The following SAXO1 variants were observed in gnomAD, a reference collection of about 807,000 sequenced individuals.
SAXO1 encodes stabilizer of axonemal microtubules 1.
Under a neutral mutation model 17.5 loss-of-function variants are expected in SAXO1, and 21 were observed. The observed-to-expected ratio is 1.20, with a 90% CI of 0.85 to 1.72. The LOEUF (loss-of-function observed/expected upper bound fraction) is 1.72. SAXO1 is among the 40% of genes most tolerant of loss of function. The pLI is 0.00. For missense variants in SAXO1, 843 were observed against 596.0 expected (o/e 1.41, Z -4.32); for synonymous variants, 274 against 216.5 (o/e 1.27, Z -2.33).
chr9:19,047,086 C>A (rs891144639), intron 1 of SAXO1, among the ~76,000 whole-genome samples: 1 of 152,192 alleles, frequency 6.6e-6, no homozygotes, highest in African/African-American at 2.4e-5. Flanking sequence ...ACTCGGGAGG[C>A]TGAGCCGGGA....
At chr9:19,000,151 G>A (rs1486257502) in intron 1 of SAXO1, among the ~76,000 whole-genome samples, 1 of 151,748 alleles carries the variant, frequency 6.6e-6, no homozygotes, top group Non-Finnish European at 1.5e-5. Context: ...TGGGAAGTGA[G>A]GAGCACCTCT....
chr9:18,951,713 G>A (rs75633083), intron 1 of SAXO1, among the ~76,000 whole-genome samples: 2,567 of 152,250 alleles, frequency 0.017, 78 homozygotes, highest in African/African-American at 0.059. Flanking sequence ...TGGCATGTCT[G>A]TTGGCAAGTT....
chr9:19,012,669 C>T (rs562346049), intron 1 of SAXO1, among the ~76,000 whole-genome samples: 1 of 152,162 alleles, frequency 6.6e-6, no homozygotes, highest in African/African-American at 2.4e-5. Context: ...GGCAGCAGTC[C>T]CCTTGCTTAG....
intron 1 of SAXO1, among the ~76,000 whole-genome samples, chr9:18,976,208 A>G (rs1833145281): frequency 6.6e-6 from 1 of 152,218 alleles, no homozygotes; most frequent in Non-Finnish European, 1.5e-5. Context: ...GCAGCTGAGT[A>G]CTGAGTAGAG....
Position 18,950,801 on chromosome 9 carries a change from A to G in SAXO1, c.175T>C (p.Tyr59His). 1 of 1,613,406 alleles carries G rather than the reference A, an allele frequency of 6.2e-7. No individual in the cohort carries two copies. Among genetic ancestry groups the G allele is most frequent in the Non-Finnish European group, 8.5e-7 (1 of 1,179,664 alleles). ...PRESFKPRRE[Y>H]QKGPIPMEGL... ...TCCATTGGTATAGGCCCTTTCTGGT[A>G]CTCCCGCCTTGGCTTGAAGGACTCT... is the stretch of plus-strand genomic sequence containing the variant. The change falls in exon 2 of 4, where the codon TAC (tyrosine) becomes CAC (histidine). Residue 59 changes from tyrosine (Y) to histidine (H), a missense_variant. Physicochemically the swap from Tyr to His is moderately conservative, Grantham distance 83. Transcript: ENST00000380534.
At chr9:18,952,933 C>T (rs981884362) in intron 1 of SAXO1, among the ~76,000 whole-genome samples, 3 of 152,194 alleles carry the variant, frequency 2.0e-5, no homozygotes, top group African/African-American at 7.2e-5. Flanking sequence ...GTATCTTCTG[C>T]ACATTCAAGA....
At chr9:18,999,563 CCTGGCCG>C (rs1834161747) in intron 1 of SAXO1, among the ~76,000 whole-genome samples, 1 of 148,178 alleles carries the variant, frequency 6.7e-6, no homozygotes, top group African/African-American at 2.5e-5. Context: ...AGCGCCGCTG[CCTGGCCG>C]CCACACCATC....
chr9:19,029,496 A>T (rs1237103285), intron 1 of SAXO1, among the ~76,000 whole-genome samples: 2 of 152,218 alleles, frequency 1.3e-5, no homozygotes, highest in Non-Finnish European at 2.9e-5. Context: ...GAAAAGCCAA[A>T]TATAGACTTC....
At chr9:19,029,149 C>A (rs1835646876) in intron 1 of SAXO1, among the ~76,000 whole-genome samples, 1 of 152,188 alleles carries the variant, frequency 6.6e-6, no homozygotes, top group South Asian at 2.1e-4. Context: ...TTTATCCAGG[C>A]CTCTGAGCAT....
chr9:18,970,586 T>C (rs569791600), intron 1 of SAXO1, among the ~76,000 whole-genome samples: 1 of 151,794 alleles, frequency 6.6e-6, no homozygotes, highest in Non-Finnish European at 1.5e-5. Context: ...TACCCAAATC[T>C]ATCTACACGC....
intron 1 of SAXO1, chr9:19,028,224 A>C: frequency 1.1e-6 from 1 of 951,554 alleles, no homozygotes; most frequent in Non-Finnish European, 1.6e-6. Flanking sequence ...AAAAATACAA[A>C]AATTAGCCGG....
intron 1 of SAXO1, among the ~76,000 whole-genome samples, chr9:19,043,143 G>A (rs1836117766): frequency 6.6e-6 from 1 of 152,042 alleles, no homozygotes; most frequent in Admixed American, 6.5e-5. Flanking sequence ...CTACACTCCA[G>A]CCTGAGCAAC....
rs371437042 is a variant in SAXO1 at position 18,928,013 on chromosome 9, A to C, written c.*39T>G. 6.7e-7 allele frequency: 1 copy of C among 1,485,672 alleles called. No individual in the cohort carries two copies. Among genetic ancestry groups the C allele is most frequent in the African/African-American group, 1.4e-5 (1 of 71,402 alleles). 92.0% of individuals were successfully genotyped at this position (1,485,672 alleles called of 1,614,324 possible). A position where few individuals can be genotyped will look rare whatever the true frequency, so the allele number is the denominator to read the frequency against. ...AAATAATTCTCAGTTGTCTGCTTTT[A>C]AAAGTACTGTGTAATTTCTAAATTA... On this transcript the variant is annotated 3_prime_UTR_variant, in exon 4 of 4. Transcript: ENST00000380534.
At chr9:19,026,578 G>A (rs537576999) in intron 1 of SAXO1, among the ~76,000 whole-genome samples, 1 of 152,268 alleles carries the variant, frequency 6.6e-6, no homozygotes, top group African/African-American at 2.4e-5. Context: ...TCAATAGACT[G>A]AAAACATCGC....
In SAXO1 at chr9:18,928,298, C is replaced by G; in HGVS notation, c.1179G>C (p.Trp393Cys). 1 of 1,613,028 alleles carries G rather than the reference C, an allele frequency of 6.2e-7. No individual in the cohort carries two copies. The highest frequency in any genetic ancestry group is 8.5e-7 in the Non-Finnish European group (1 of 1,179,362). The change falls in exon 4 of 4, where the codon TGG becomes TGC. Residue 393 changes from tryptophan (W) to cysteine (C), a missense_variant. Coordinates refer to ENST00000380534, the MANE Select transcript of SAXO1 (RefSeq NM_153707.4). The stretch of plus-strand genomic sequence containing the variant: ...CAGGGACATTTCCTCGAGGGCCAGA[C>G]CAATGAGGCTTACAGCTTTTGGTAT... ...PINTKSCKPH[W>C]SGPRGNVPVE... is the part of the protein sequence containing the mutation.
At chr9:19,009,879 T>C (rs1415904688) in intron 1 of SAXO1, among the ~76,000 whole-genome samples, 3 of 151,640 alleles carry the variant, frequency 2.0e-5, no homozygotes, top group Admixed American at 2.0e-4. Flanking sequence ...CAGGCTAAAG[T>C]GCAGTGGCAC....
chr9:18,987,737 A>C (rs1426104516), intron 1 of SAXO1, among the ~76,000 whole-genome samples: 1 of 151,760 alleles, frequency 6.6e-6, no homozygotes, highest in Non-Finnish European at 1.5e-5. Flanking sequence ...CATCTCTACA[A>C]AAAAAAATAA....
At chr9:19,047,470 C>A (rs1404975143) in intron 1 of SAXO1, among the ~76,000 whole-genome samples, 3 of 152,148 alleles carry the variant, frequency 2.0e-5, no homozygotes, top group Non-Finnish European at 2.9e-5. Context: ...TCAAACAATT[C>A]AAGAACATTG....
intron 2 of SAXO1, among the ~76,000 whole-genome samples, chr9:18,945,214 C>A (rs1328805317): frequency 6.6e-6 from 1 of 152,170 alleles, no homozygotes; most frequent in Non-Finnish European, 1.5e-5. Flanking sequence ...TCATGTCCCA[C>A]CCATCAGATC....
Sources: gnomAD v4.1 joint callset for allele counts (sites outside exome capture counted in the v4.1 genomes callset) on GRCh38, gnomAD v4.1.1 for gene constraint, MANE v1.5 for transcripts, NCBI Gene and HGNC (gene_info 2026-07-23, HGNC 2026-07-21) for gene names.